The following PLCL1 variants were observed in gnomAD, a reference collection of about 807,000 sequenced individuals.
PLCL1 encodes inactive phospholipase C-like protein 1.
Under a neutral mutation model 84.4 loss-of-function variants are expected in PLCL1, and 41 were observed. The ratio of observed to expected loss-of-function variants is 0.49; its 90% CI spans 0.38 to 0.63. The LOEUF (loss-of-function observed/expected upper bound fraction) is 0.63, where lower values mean the gene tolerates loss of function less well. PLCL1 is among the 30% of genes least tolerant of loss of function. The pLI is 0.00. For missense variants in PLCL1, 1,206 were observed against 1,367.8 expected, an observed-to-expected ratio of 0.88 and a Z score of 1.87; for synonymous variants, 490 against 488.3, an observed-to-expected ratio of 1.00 and a Z score of -0.05.
At chr2:198,052,793 A>G (rs1050730227) in intron 1 of PLCL1, among the ~76,000 whole-genome samples, 3 of 152,184 alleles carry the variant, frequency 2.0e-5, no homozygotes, top group Non-Finnish European at 4.4e-5. Context: ...ACTGGCAGGG[A>G]AGAAGGGACT....
intron 1 of PLCL1, among the ~76,000 whole-genome samples, chr2:197,842,806 G>C (rs1244925636): frequency 3.3e-5 from 5 of 152,080 alleles, no homozygotes; most frequent in African/African-American, 1.2e-4. Context: ...GTCGTATACT[G>C]TCTCAACTGT....
At chr2:197,901,828 G>T (rs922270118) in intron 1 of PLCL1, among the ~76,000 whole-genome samples, 1 of 152,120 alleles carries the variant, frequency 6.6e-6, no homozygotes, top group Non-Finnish European at 1.5e-5. Flanking sequence ...TGAGAGGTTA[G>T]GTGCCTTTCC....
chr2:198,104,412 G>T (rs1223793123), intron 5 of PLCL1, among the ~76,000 whole-genome samples: 1 of 151,952 alleles, frequency 6.6e-6, no homozygotes. Flanking sequence ...TGGTGTATAT[G>T]TACCACATTA....
chr2:198,138,646 T>G (rs1694312912), intron 5 of PLCL1, among the ~76,000 whole-genome samples: 1 of 152,176 alleles, frequency 6.6e-6, no homozygotes, highest in South Asian at 2.1e-4. Flanking sequence ...GTTTCCAAAT[T>G]ATTGAATAAT....
At chr2:198,067,127 CTT>C (rs536395932) in intron 1 of PLCL1, among the ~76,000 whole-genome samples, 69 of 136,388 alleles carry the variant, frequency 5.1e-4, no homozygotes, top group Admixed American at 8.1e-4. Context: ...TTGTGGCCCT[CTT>C]TTTTTTTTTT....
rs536557239 is a variant in PLCL1 at position 197,883,517 on chromosome 2, G to T, written c.240+78178G>T. On this transcript the variant is annotated intron_variant, in intron 1 of 5. Transcript: ENST00000428675. ...GTGGAAAACTTATTATTTTCCTACA[G>T]GGTGCATAATTAATGGGTCATGTAA... Among the ~76,000 whole-genome samples, 27 of 152,164 alleles carry T rather than the reference G, an allele frequency of 1.8e-4. 1 individual carries two copies. The highest frequency in any genetic ancestry group is 4.0e-4 in the Non-Finnish European group (27 of 68,028).
At chr2:197,948,256 A>T (rs1376615415) in intron 1 of PLCL1, among the ~76,000 whole-genome samples, 1 of 152,184 alleles carries the variant, frequency 6.6e-6, no homozygotes, top group East Asian at 1.9e-4. Context: ...TGACACTGTT[A>T]ACTAAGAACG....
intron 1 of PLCL1, among the ~76,000 whole-genome samples, chr2:198,045,587 A>G (rs1300500866): frequency 6.6e-6 from 1 of 152,204 alleles, no homozygotes; most frequent in Non-Finnish European, 1.5e-5. Context: ...TTTTGCATTA[A>G]TTTATATTTA....
chr2:198,024,132 G>A (rs1036579625), intron 1 of PLCL1, among the ~76,000 whole-genome samples: 2 of 152,072 alleles, frequency 1.3e-5, no homozygotes, highest in Admixed American at 1.3e-4. Context: ...ATCATTCTCA[G>A]CAAACTAACA....
intron 1 of PLCL1, among the ~76,000 whole-genome samples, chr2:198,043,711 G>A (rs1691720549): frequency 1.3e-5 from 2 of 152,082 alleles, no homozygotes; most frequent in Non-Finnish European, 2.9e-5. Flanking sequence ...AAGTCCAAGT[G>A]CAGATTGTCC....
intron 5 of PLCL1, among the ~76,000 whole-genome samples, chr2:198,121,336 A>G (rs1693862342): frequency 6.6e-6 from 1 of 152,020 alleles, no homozygotes; most frequent in Admixed American, 6.6e-5. Context: ...TCAGTTGTCC[A>G]GTTTTGCTTT....
chr2:198,057,586 TATATTTATA>T (rs1420956924), intron 1 of PLCL1, among the ~76,000 whole-genome samples: 1 of 152,230 alleles, frequency 6.6e-6, no homozygotes, highest in African/African-American at 2.4e-5. Flanking sequence ...CATCAAGATG[TATATTTATA>T]ATTTGTGTAC....
chr2:197,879,413 G>A (rs1687789931), intron 1 of PLCL1, among the ~76,000 whole-genome samples: 1 of 152,276 alleles, frequency 6.6e-6, no homozygotes, highest in South Asian at 2.1e-4. Context: ...GTGTATCAGA[G>A]CTGGTCTGAA....
chr2:197,970,106 A>G (rs775741032), intron 1 of PLCL1, among the ~76,000 whole-genome samples: 1 of 152,172 alleles, frequency 6.6e-6, no homozygotes, highest in Non-Finnish European at 1.5e-5. Flanking sequence ...AATACTCAAG[A>G]CCGAGTAATT....
intron 1 of PLCL1, among the ~76,000 whole-genome samples, chr2:197,983,414 G>A (rs1226422112): frequency 6.6e-6 from 1 of 151,638 alleles, no homozygotes; most frequent in Non-Finnish European, 1.5e-5. Context: ...AAAACTTTTT[G>A]TAGAGACGGA....
intron 1 of PLCL1, among the ~76,000 whole-genome samples, chr2:197,865,212 C>G (rs1272686796): frequency 6.6e-6 from 1 of 152,072 alleles, no homozygotes; most frequent in Non-Finnish European, 1.5e-5. Context: ...TCGCCTGGTC[C>G]TGTGGTCCTT....
chr2:197,858,243 A>T (rs1407602509), intron 1 of PLCL1, among the ~76,000 whole-genome samples: 1 of 152,180 alleles, frequency 6.6e-6, no homozygotes, highest in Non-Finnish European at 1.5e-5. Context: ...GCTCTCCAGC[A>T]TGCTATCCAT....
chr2:198,082,368 C>A (rs1351102915), intron 1 of PLCL1, among the ~76,000 whole-genome samples: 3 of 151,898 alleles, frequency 2.0e-5, no homozygotes, highest in African/African-American at 7.3e-5. Context: ...CGCTTGAACT[C>A]GGGAGGCGGA....
At chr2:198,134,801 A>G (rs1694213994) in intron 5 of PLCL1, among the ~76,000 whole-genome samples, 1 of 152,140 alleles carries the variant, frequency 6.6e-6, no homozygotes, top group Non-Finnish European at 1.5e-5. Context: ...CATGAAAAAC[A>G]ATTTACTTGC....
Sources: allele counts gnomAD v4.1 joint callset (sites outside exome capture counted in the v4.1 genomes callset), GRCh38; gene constraint gnomAD v4.1.1; transcripts MANE v1.5; gene names NCBI Gene and HGNC (gene_info 2026-07-23, HGNC 2026-07-21).